CSMD1: variants seen among roughly 807,000 people sequenced by gnomAD.
The protein encoded by CSMD1 is CUB and Sushi multiple domains 1.
Under a neutral mutation model 417.5 loss-of-function variants are expected in CSMD1, and 213 were observed. That is an observed-to-expected ratio of 0.51 (90% CI 0.46 to 0.57). The LOEUF is 0.57. Among genes scored for constraint, CSMD1 ranks in the 20% least tolerant of loss-of-function variants. The probability of loss-of-function intolerance (pLI) is 0.00; values close to 1 mark genes in which losing one functional copy is unlikely to be tolerated. For synonymous variants in CSMD1, 2,862 were observed against 1,736.8 expected, an observed-to-expected ratio of 1.65 and a Z score of -16.11; for missense variants, 6,923 against 4,529.7, an observed-to-expected ratio of 1.53 and a Z score of -15.17.
intron 2 of CSMD1, among the ~76,000 whole-genome samples, chr8:4,459,630 G>C (rs984143411): frequency 6.6e-6 from 1 of 152,182 alleles, no homozygotes; most frequent in Non-Finnish European, 1.5e-5. Flanking sequence ...TTGTGGGTTA[G>C]AACAAACCTC....
intron 3 of CSMD1, among the ~76,000 whole-genome samples, chr8:4,101,329 G>C (rs7011876): frequency 0.11 from 16,603 of 152,194 alleles, 1,212 homozygotes; most frequent in South Asian, 0.35. Flanking sequence ...TGGAAGGAAA[G>C]ACAGTGCAAA....
chr8:3,137,502 C>A (rs1818171985), intron 41 of CSMD1, among the ~76,000 whole-genome samples: 1 of 152,228 alleles, frequency 6.6e-6, no homozygotes, highest in Admixed American at 6.5e-5. Flanking sequence ...AAATGACCGT[C>A]ACCTTCATGC....
At chr8:4,868,884 A>G (rs1802572388) in intron 1 of CSMD1, among the ~76,000 whole-genome samples, 1 of 152,054 alleles carries the variant, frequency 6.6e-6, no homozygotes, top group Non-Finnish European at 1.5e-5. Flanking sequence ...GATTGAATGA[A>G]GTAATATTTG....
chr8:4,962,593 T>C (rs1809580434), intron 1 of CSMD1, among the ~76,000 whole-genome samples: 1 of 152,178 alleles, frequency 6.6e-6, no homozygotes, highest in South Asian at 2.1e-4. Context: ...CAGATGGGTA[T>C]TTGATAAAGC....
intron 1 of CSMD1, among the ~76,000 whole-genome samples, chr8:4,862,234 A>G (rs1802179201): frequency 6.6e-6 from 1 of 152,028 alleles, no homozygotes; most frequent in Non-Finnish European, 1.5e-5. Flanking sequence ...AAAGTGAGGT[A>G]GAGAGGAGTG....
At chr8:4,001,365 CT>C (rs1815659576) in intron 4 of CSMD1, among the ~76,000 whole-genome samples, 1 of 152,136 alleles carries the variant, frequency 6.6e-6, no homozygotes, top group African/African-American at 2.4e-5. Flanking sequence ...CATTAGCCCC[CT>C]GGTTTCTCCA....
intron 5 of CSMD1, among the ~76,000 whole-genome samples, chr8:3,966,566 T>C (rs112827175): frequency 5.9e-5 from 9 of 152,324 alleles, no homozygotes; most frequent in African/African-American, 2.2e-4. Context: ...GCCAATTTCT[T>C]TTCTGTAAAC....
chr8:3,904,325 C>T (rs1196245390), intron 5 of CSMD1, among the ~76,000 whole-genome samples: 1 of 151,954 alleles, frequency 6.6e-6, no homozygotes, highest in African/African-American at 2.4e-5. Context: ...CATCATCAAG[C>T]CCAGTCCTAC....
At chr8:4,185,696 G>A (rs970029332) in intron 3 of CSMD1, among the ~76,000 whole-genome samples, 7 of 152,138 alleles carry the variant, frequency 4.6e-5, no homozygotes, top group African/African-American at 1.7e-4. Flanking sequence ...CTAGTTTGAA[G>A]ACATGTACTG....
intron 5 of CSMD1, among the ~76,000 whole-genome samples, chr8:3,852,943 G>C (rs944217323): frequency 5.3e-5 from 8 of 151,958 alleles, no homozygotes; most frequent in Admixed American, 2.6e-4. Context: ...ACTAAATATT[G>C]CTCCATTTAT....
At chr8:3,873,823 C>A (rs760091396) in intron 5 of CSMD1, among the ~76,000 whole-genome samples, 2 of 152,202 alleles carry the variant, frequency 1.3e-5, no homozygotes, top group South Asian at 4.2e-4. Context: ...CACATGGTCA[C>A]GGTGTTTGTA....
chr8:3,892,534 AAAT>A (rs34846347), intron 5 of CSMD1, among the ~76,000 whole-genome samples: 136,056 of 148,004 alleles, frequency 0.92, 62,487 homozygotes, highest in East Asian at 1. Flanking sequence ...AATTTTGCAA[AAAT>A]AATAATAATA....
chr8:3,443,137 A>G (rs1298725882), intron 12 of CSMD1, among the ~76,000 whole-genome samples: 1 of 152,216 alleles, frequency 6.6e-6, no homozygotes, highest in Non-Finnish European at 1.5e-5. Context: ...ACTAGTGAGC[A>G]GTGTACACTG....
chr8:3,060,701 G>A (rs1387404480), intron 49 of CSMD1, among the ~76,000 whole-genome samples: 1 of 152,168 alleles, frequency 6.6e-6, no homozygotes, highest in Non-Finnish European at 1.5e-5. Flanking sequence ...CCCCCATCAT[G>A]CTTTGAATGC....
intron 2 of CSMD1, among the ~76,000 whole-genome samples, chr8:4,495,947 C>T (rs2130246939): frequency 6.6e-6 from 1 of 152,184 alleles, no homozygotes; most frequent in African/African-American, 2.4e-5. Flanking sequence ...TGACAAGAAC[C>T]AAAGGTCTAA....
At chr8:3,122,387 A>G (rs1817260597) in intron 41 of CSMD1, among the ~76,000 whole-genome samples, 1 of 152,230 alleles carries the variant, frequency 6.6e-6, no homozygotes, top group Non-Finnish European at 1.5e-5. Flanking sequence ...AAGATTTACT[A>G]TAGATCAATA....
At chr8:4,695,698 G>T (rs1318362497) in intron 1 of CSMD1, among the ~76,000 whole-genome samples, 1 of 152,136 alleles carries the variant, frequency 6.6e-6, no homozygotes, top group Admixed American at 6.5e-5. Context: ...TCACTCAAAG[G>T]TCAGTTTACT....
At chr8:4,701,615 C>A (rs1807557423) in intron 1 of CSMD1, among the ~76,000 whole-genome samples, 1 of 152,116 alleles carries the variant, frequency 6.6e-6, no homozygotes, top group Non-Finnish European at 1.5e-5. Flanking sequence ...TTCTGTTCCA[C>A]AGCTGTTGAC....
At chr8:3,108,575 TTA>T in intron 44 of CSMD1, 26 bp downstream of exon 44, 1 of 1,611,204 alleles carries the variant, frequency 6.2e-7, no homozygotes. Context: ...ATTCTCAGTC[TTA>T]ACTAACGGAG....
Sources: gnomAD v4.1 joint callset for allele counts (sites outside exome capture counted in the v4.1 genomes callset) on GRCh38, gnomAD v4.1.1 for gene constraint, MANE v1.5 for transcripts, NCBI Gene and HGNC (gene_info 2026-07-23, HGNC 2026-07-21) for gene names.